The following KCNH7 variants were observed in gnomAD, a reference collection of about 807,000 sequenced individuals.
The protein encoded by KCNH7 is potassium voltage-gated channel subfamily H member 7, also known as voltage-gated inwardly rectifying potassium channel KCNH7.
A neutral mutation model predicts 120.8 loss-of-function variants in KCNH7; 49 were observed. The observed-to-expected ratio is 0.41, with a 90% CI of 0.32 to 0.51. The LOEUF is 0.51. Among genes scored for constraint, KCNH7 ranks in the 20% least tolerant of loss-of-function variants. KCNH7 has a pLI of 0.38. For synonymous variants in KCNH7, 547 were observed against 516.1 expected (o/e 1.06, Z -0.81); for missense variants, 1,097 against 1,446.6 (o/e 0.76, Z 3.92).
intron 2 of KCNH7, among the ~76,000 whole-genome samples, chr2:162,678,842 G>A (rs13417148): frequency 0.011 from 1,718 of 151,570 alleles, 31 homozygotes; most frequent in African/African-American, 0.039. Context: ...GCCTTACATA[G>A]GATATTTATC....
intron 2 of KCNH7, among the ~76,000 whole-genome samples, chr2:162,775,496 C>T (rs976546667): frequency 1.3e-5 from 2 of 151,622 alleles, no homozygotes; most frequent in Non-Finnish European, 2.9e-5. Flanking sequence ...AAAGAGTAGC[C>T]ATCACATTTA....
intron 2 of KCNH7, among the ~76,000 whole-genome samples, chr2:162,615,251 A>G (rs16847008): frequency 0.045 from 6,926 of 152,258 alleles, 303 homozygotes; most frequent in East Asian, 0.13. Context: ...GATTCTAATA[A>G]GCATAGAAAA....
chr2:162,600,355 G>A (rs994495573), intron 2 of KCNH7, among the ~76,000 whole-genome samples: 5 of 151,816 alleles, frequency 3.3e-5, no homozygotes, highest in Non-Finnish European at 7.4e-5. Context: ...CTTCCTTTAG[G>A]GTACTTCACA....
chr2:162,471,520 C>T (rs543305353), intron 6 of KCNH7, among the ~76,000 whole-genome samples: 6 of 151,874 alleles, frequency 4.0e-5, no homozygotes, highest in Admixed American at 6.6e-5. Flanking sequence ...TGGAGTTTTA[C>T]GACCTTACAA....
chr2:162,707,070 A>G (rs1459424084), intron 2 of KCNH7, among the ~76,000 whole-genome samples: 1 of 152,148 alleles, frequency 6.6e-6, no homozygotes, highest in Non-Finnish European at 1.5e-5. Context: ...TTTTGCCTCA[A>G]GAGATTTTAC....
At chr2:162,624,819 A>G (rs948220417) in intron 2 of KCNH7, among the ~76,000 whole-genome samples, 6 of 149,554 alleles carry the variant, frequency 4.0e-5, no homozygotes, top group East Asian at 2.0e-4. Flanking sequence ...CTGAGCAATG[A>G]TTCATATTAC....
At chr2:162,774,587 C>CTG (rs1227665077) in intron 2 of KCNH7, among the ~76,000 whole-genome samples, 1 of 152,138 alleles carries the variant, frequency 6.6e-6, no homozygotes. Context: ...CCAAGATGAA[C>CTG]TGGCATGTGG....
intron 2 of KCNH7, among the ~76,000 whole-genome samples, chr2:162,806,954 T>C (rs553960382): frequency 9.9e-5 from 15 of 151,990 alleles, no homozygotes; most frequent in Non-Finnish European, 1.8e-4. Context: ...AACAGTTATG[T>C]TGGAAATCAT....
chr2:162,588,999 C>A (rs1392895422), intron 2 of KCNH7, among the ~76,000 whole-genome samples: 3 of 152,086 alleles, frequency 2.0e-5, no homozygotes, highest in Non-Finnish European at 2.9e-5. Context: ...CCTGCCTAAT[C>A]CCAACCACAT....
At chr2:162,457,907 T>C (rs193172666) in intron 6 of KCNH7, among the ~76,000 whole-genome samples, 15 of 152,240 alleles carry the variant, frequency 9.9e-5, no homozygotes, top group Admixed American at 5.9e-4. Context: ...TAATTATCAC[T>C]GAAACCAGCA....
chr2:162,382,029 G>T (rs1460160260), intron 13 of KCNH7, among the ~76,000 whole-genome samples: 2 of 152,020 alleles, frequency 1.3e-5, no homozygotes, highest in African/African-American at 2.4e-5. Context: ...CTTTCGAGAA[G>T]GCAAGAACTG....
chr2:162,768,049 A>T (rs1474227477), intron 2 of KCNH7, among the ~76,000 whole-genome samples: 2 of 152,212 alleles, frequency 1.3e-5, no homozygotes, highest in African/African-American at 4.8e-5. Context: ...AAATAAATTG[A>T]TTTGTGTTAG....
At chr2:162,824,917 T>C (rs1263721655) in intron 2 of KCNH7, among the ~76,000 whole-genome samples, 1 of 151,986 alleles carries the variant, frequency 6.6e-6, no homozygotes, top group Non-Finnish European at 1.5e-5. Context: ...AAATAAAAAC[T>C]ACTGAAGAAA....
At chr2:162,470,135 T>C (rs1689455182) in intron 6 of KCNH7, among the ~76,000 whole-genome samples, 1 of 152,084 alleles carries the variant, frequency 6.6e-6, no homozygotes, top group Admixed American at 6.5e-5. Flanking sequence ...CCACCCCGTC[T>C]GGGAAGTGAG....
At chr2:162,668,174 A>G (rs1485677543) in intron 2 of KCNH7, among the ~76,000 whole-genome samples, 1 of 152,184 alleles carries the variant, frequency 6.6e-6, no homozygotes, top group Non-Finnish European at 1.5e-5. Flanking sequence ...AATAAGGGAA[A>G]GGAAGAATCT....
chr2:162,594,638 AAAG>A (rs1190335811), intron 2 of KCNH7, among the ~76,000 whole-genome samples: 2 of 152,142 alleles, frequency 1.3e-5, no homozygotes, highest in African/African-American at 4.8e-5. Context: ...TAAATTGAGA[AAAG>A]AAGGATGGCT....
intron 2 of KCNH7, among the ~76,000 whole-genome samples, chr2:162,798,774 G>C (rs1001233662): frequency 6.6e-6 from 1 of 151,918 alleles, no homozygotes; most frequent in Admixed American, 6.6e-5. Context: ...TTCTGATAGA[G>C]ACCTTTAACA....
At chr2:162,742,634 T>G (rs1688176303) in intron 2 of KCNH7, among the ~76,000 whole-genome samples, 2 of 152,226 alleles carry the variant, frequency 1.3e-5, no homozygotes, top group Non-Finnish European at 2.9e-5. Context: ...ACTAATTGTA[T>G]GTTTAAAACA....
intron 2 of KCNH7, among the ~76,000 whole-genome samples, chr2:162,558,181 T>C (rs573076897): frequency 6.6e-6 from 1 of 152,114 alleles, no homozygotes; most frequent in South Asian, 2.1e-4. Flanking sequence ...GCCTCTTTTT[T>C]TTTTTTCTTT....
Sources: allele counts gnomAD v4.1 joint callset (sites outside exome capture counted in the v4.1 genomes callset), GRCh38; gene constraint gnomAD v4.1.1; transcripts MANE v1.5; gene names NCBI Gene and HGNC (gene_info 2026-07-23, HGNC 2026-07-21).